Variants in PEAK1 observed in about 807,000 individuals in gnomAD.
PEAK1 encodes pseudopodium enriched atypical kinase 1, also known as inactive tyrosine-protein kinase PEAK1.
PEAK1 carries 54 observed loss-of-function variants against 124.7 expected under a neutral mutation model. The observed-to-expected ratio is 0.43, with a 90% CI of 0.35 to 0.54. PEAK1 has a LOEUF of 0.54. Ranked by LOEUF, PEAK1 falls within the 20% of genes least tolerant of loss-of-function variation. PEAK1 has a pLI of 0.01. For synonymous variants in PEAK1, 719 were observed against 760.0 expected (o/e 0.95, Z 0.89); for missense variants, 2,046 against 2,134.5 (o/e 0.96, Z 0.82).
At chr15:77,312,411 G>C (rs1043914083) in intron 2 of PEAK1, among the ~76,000 whole-genome samples, 5 of 152,124 alleles carry the variant, frequency 3.3e-5, no homozygotes, top group Non-Finnish European at 4.4e-5. Flanking sequence ...ATTTTATGGA[G>C]GCTTACACAT....
At chr15:77,402,109 T>A (rs1402014345) in intron 1 of PEAK1, 1 of 889,360 alleles carries the variant, frequency 1.1e-6, no homozygotes, top group Non-Finnish European at 1.3e-6. Flanking sequence ...TGAGACGGGA[T>A]AATTGTTTCA....
chr15:77,203,135 T>C (rs952314655), intron 6 of PEAK1, among the ~76,000 whole-genome samples: 2 of 151,910 alleles, frequency 1.3e-5, no homozygotes, highest in African/African-American at 4.8e-5. Flanking sequence ...TGTCTTAATG[T>C]TGAGTAGGCT....
intron 2 of PEAK1, among the ~76,000 whole-genome samples, chr15:77,304,442 A>ATT (rs71145812): frequency 0.056 from 4,802 of 86,412 alleles, 314 homozygotes; most frequent in African/African-American, 0.068. Flanking sequence ...TCCTGTATAC[A>ATT]TTTTTTTTTT....
At chr15:77,146,491 AT>A (rs1171205581) in intron 8 of PEAK1, among the ~76,000 whole-genome samples, 2 of 152,144 alleles carry the variant, frequency 1.3e-5, no homozygotes, top group Non-Finnish European at 2.9e-5. Flanking sequence ...AACAGAGATT[AT>A]TTTTTTGGGG....
chr15:77,236,650 T>G (rs1281608253), intron 6 of PEAK1, among the ~76,000 whole-genome samples: 1 of 152,088 alleles, frequency 6.6e-6, no homozygotes, highest in Non-Finnish European at 1.5e-5. Flanking sequence ...AGGGTAAGAT[T>G]GTCTTTTGAA....
Position 77,132,788 on chromosome 15 carries a change from G to A in PEAK1, c.4077+217C>T, listed in dbSNP as rs369238982. ...AGAATTCTTGTTTACCTCTATCTTT[G>A]CATGCAGTATACTGTTGTAATTCTG... On this transcript the variant is annotated intron_variant, in intron 9 of 9. Coordinates refer to ENST00000682557, the MANE Select transcript of PEAK1 (RefSeq NM_001385026.1). Among the ~76,000 whole-genome samples the A allele has an allele frequency of 3.3e-5, 5 of 150,328 alleles. No homozygotes were observed. In the East Asian group the frequency reaches 9.7e-4, roughly 29 times the overall value.
rs1044917414 is a variant in PEAK1 at position 77,378,445 on chromosome 15, G to A, written c.-665-13220C>T. On this transcript the variant is annotated intron_variant, in intron 1 of 9. Transcript: ENST00000682557. ...CGGAATTCAATAGTCTAACTGCCAG[G>A]AATCTTGCTACTTCACGGTATTATT... 6.6e-5 allele frequency among the ~76,000 whole-genome samples: 10 copies of A among 151,980 alleles called. No homozygotes were observed. In the East Asian group the frequency reaches 1.2e-3, roughly 18 times the overall value.
chr15:77,125,513 T>C (rs541117941), intron 9 of PEAK1, among the ~76,000 whole-genome samples: 1 of 149,962 alleles, frequency 6.7e-6, no homozygotes, highest in African/African-American at 2.5e-5. Flanking sequence ...TGTGTGTGTG[T>C]ATATATATCA....
At chr15:77,396,738 T>C (rs1294981550) in intron 1 of PEAK1, among the ~76,000 whole-genome samples, 1 of 152,096 alleles carries the variant, frequency 6.6e-6, no homozygotes, top group Non-Finnish European at 1.5e-5. Flanking sequence ...ATTGCAAATA[T>C]ATATGTACCC....
chr15:77,164,566 T>C (rs555284741), intron 7 of PEAK1, among the ~76,000 whole-genome samples: 8 of 152,340 alleles, frequency 5.3e-5, no homozygotes, highest in East Asian at 1.9e-4. Context: ...TATAAAAACA[T>C]AGCCCTCTGT....
At chr15:77,412,779 G>A (rs551728464) in intron 1 of PEAK1, among the ~76,000 whole-genome samples, 58 of 151,798 alleles carry the variant, frequency 3.8e-4, no homozygotes, top group African/African-American at 1.4e-3. Context: ...CTAGGGCTGA[G>A]GTAGGAAAAA....
rs775447453 is a variant in PEAK1, at chr15:77,279,746, T to G, written c.-275+4137A>C. Among the ~76,000 whole-genome samples, 4 of 152,320 alleles carry G rather than the reference T, an allele frequency of 2.6e-5. No individual in the cohort carries two copies. The South Asian group carries it at 8.3e-4, about 32-fold the overall frequency. On this transcript the variant is annotated intron_variant, in intron 5 of 9. Coordinates refer to ENST00000682557, the MANE Select transcript of PEAK1 (RefSeq NM_001385026.1). ...TTGAAGAAGGGAGTTTGAAAGTTGT[T>G]GTATGCTGTTAATGATTTTCTGCCC...
At chr15:77,145,469 A>T (rs1287704673) in intron 8 of PEAK1, among the ~76,000 whole-genome samples, 1 of 152,018 alleles carries the variant, frequency 6.6e-6, no homozygotes, top group Non-Finnish European at 1.5e-5. Context: ...AAATGTCTTC[A>T]GACTGACGGG....
intron 6 of PEAK1, among the ~76,000 whole-genome samples, chr15:77,207,732 T>G (rs2058727915): frequency 6.6e-6 from 1 of 152,208 alleles, no homozygotes; most frequent in African/African-American, 2.4e-5. Context: ...GAAACTATTC[T>G]ATATGATACT....
At chr15:77,208,851 AG>A (rs2058778930) in intron 6 of PEAK1, among the ~76,000 whole-genome samples, 1 of 152,212 alleles carries the variant, frequency 6.6e-6, no homozygotes, top group African/African-American at 2.4e-5. Context: ...TAAGAAAAAT[AG>A]GAAGTCATGA....
chr15:77,241,795 C>T lies in PEAK1; in HGVS notation c.-115+10572G>A, dbSNP rs576959172. 2.6e-5 allele frequency among the ~76,000 whole-genome samples: 4 copies of T among 151,920 alleles called. No homozygotes were observed. In the South Asian group the frequency reaches 8.3e-4, roughly 32 times the overall value. ...GAAAGCCAAGTATAGGAGGGGTATG[C>T]TGAGAACCATAAAATGCTAATAAAA... On this transcript the variant is annotated intron_variant, in intron 6 of 9. Transcript: ENST00000682557.
intron 2 of PEAK1, among the ~76,000 whole-genome samples, chr15:77,321,733 T>C (rs1302038321): frequency 6.6e-6 from 1 of 152,202 alleles, no homozygotes; most frequent in Admixed American, 6.5e-5. Flanking sequence ...TCCTTGCCCA[T>C]GCCTATGTCC....
At chr15:77,159,380 C>T (rs2055432120) in intron 7 of PEAK1, among the ~76,000 whole-genome samples, 1 of 152,212 alleles carries the variant, frequency 6.6e-6, no homozygotes, top group Non-Finnish European at 1.5e-5. Flanking sequence ...TGGCTGCATA[C>T]CAGTATATGA....
intron 2 of PEAK1, chr15:77,347,480 C>G (rs963092131): frequency 1.0e-6 from 1 of 985,234 alleles, no homozygotes; most frequent in African/African-American, 1.7e-5. Flanking sequence ...GCTGGCACAC[C>G]TGGACAAGGT....
Sources: allele counts gnomAD v4.1 joint callset (sites outside exome capture counted in the v4.1 genomes callset), GRCh38; gene constraint gnomAD v4.1.1; transcripts MANE v1.5; gene names NCBI Gene and HGNC (gene_info 2026-07-23, HGNC 2026-07-21).